The following SCML2 variants were observed in gnomAD, a reference collection of about 807,000 sequenced individuals.
The protein encoded by SCML2 is sex comb on midleg-like protein 2.
Under a neutral mutation model 48.4 loss-of-function variants are expected in SCML2, and 6 were observed. That is an observed-to-expected ratio of 0.12 (90% CI 0.07 to 0.24). The LOEUF (loss-of-function observed/expected upper bound fraction) is 0.24. SCML2 is among the 10% of genes least tolerant of loss of function. The pLI, the probability that SCML2 is intolerant of heterozygous loss-of-function variation, is 1.00. For missense variants in SCML2, 377 were observed against 528.2 expected (o/e 0.71, Z 2.81); for synonymous variants, 181 against 189.5 (o/e 0.95, Z 0.37).
chrX:18,270,586 C>A (rs1256375425), intron 7 of SCML2, among the ~76,000 whole-genome samples: 1 of 110,289 alleles, frequency 9.1e-6, no homozygotes, highest in Non-Finnish European at 1.9e-5. Flanking sequence ...GAATAAAATA[C>A]TTTTTAAGCC....
chrX:18,276,011 T>G (rs1185788559), intron 7 of SCML2, among the ~76,000 whole-genome samples: 2 of 112,062 alleles, frequency 1.8e-5, no homozygotes, highest in African/African-American at 6.5e-5. Context: ...TGAAAAACAG[T>G]TTAGCAGCCG....
chrX:18,271,840 T>C (rs1017810653), intron 7 of SCML2, among the ~76,000 whole-genome samples: 1 of 111,116 alleles, frequency 9.0e-6, no homozygotes, highest in Non-Finnish European at 1.9e-5. Flanking sequence ...ACTTTCACCT[T>C]TTCACTTAAA....
intron 13 of SCML2, among the ~76,000 whole-genome samples, chrX:18,244,185 C>A (rs1290520656): frequency 8.9e-6 from 1 of 111,756 alleles, no homozygotes; most frequent in Admixed American, 9.6e-5. Flanking sequence ...TTCTGCTAGG[C>A]TGTATCAACC....
intron 11 of SCML2, among the ~76,000 whole-genome samples, chrX:18,248,241 G>C (rs763402351): frequency 9.0e-6 from 1 of 111,581 alleles, no homozygotes; most frequent in African/African-American, 3.2e-5. Context: ...TAAAACTTCA[G>C]AGAAATTAAA....
At chrX:18,314,591 C>T (rs190118274) in intron 6 of SCML2, among the ~76,000 whole-genome samples, 37 of 112,016 alleles carry the variant, frequency 3.3e-4, no homozygotes, top group African/African-American at 1.2e-3. Context: ...TCTGTTCCTT[C>T]CATAAATATT....
chrX:18,347,697 C>CT (rs1445577932), intron 1 of SCML2, among the ~76,000 whole-genome samples: 1 of 84,108 alleles, frequency 1.2e-5, no homozygotes, highest in African/African-American at 4.6e-5. Context: ...GCACTCCAGC[C>CT]TGGGTGACAG....
At position 18,327,820 on chromosome X, in the gene SCML2, G is replaced by A. The variant is rs142046903; in HGVS notation, c.91+2767C>T. On this transcript the variant is annotated intron_variant, in intron 3 of 14. Coordinates refer to ENST00000251900, the MANE Select transcript of SCML2 (RefSeq NM_006089.3). ...AAAACTGTTCATCTTGGCTGCCCAC[G>A]TGTTCATAACATAGGGGAAACACAC... Among the ~76,000 whole-genome samples, 149 of 111,501 alleles carry A rather than the reference G, an allele frequency of 1.3e-3. 7 individuals are homozygous for A. The East Asian group carries it at 0.038, about 28-fold the overall frequency.
rs750764782 is a variant in SCML2, at chrX:18,258,244, C to G, written c.1073G>C (p.Cys358Ser). ...GPCKIVMSTV[C>S]VYVNKHGNFG... ...GTTTCCATGTTTGTTTACATAGACACAGACTTGAGAAAAAATGCGTATGCA... is the reference window on the plus strand; with the variant it reads ...GTTTCCATGTTTGTTTACATAGACAGAGACTTGAGAAAAAATGCGTATGCA... Residue 358 changes from cysteine to serine, a missense_variant, in exon 10 of 15, where the codon TGT becomes TCT. Physicochemically the swap from Cys to Ser is moderately radical, Grantham distance 112. Coordinates refer to ENST00000251900, the MANE Select transcript of SCML2 (RefSeq NM_006089.3). The G allele has an allele frequency of 5.0e-6, 6 of 1,204,881 alleles. No homozygotes were observed. Among genetic ancestry groups the G allele is most frequent in the Non-Finnish European group, 6.7e-6 (6 of 890,388 alleles).
intron 3 of SCML2, among the ~76,000 whole-genome samples, chrX:18,326,054 G>A (rs916483156): frequency 1.7e-4 from 19 of 112,252 alleles, no homozygotes; most frequent in African/African-American, 5.5e-4. Flanking sequence ...TTTCCGTGAT[G>A]TAAATATGAC....
At chrX:18,290,035 T>G (rs187220132) in intron 7 of SCML2, among the ~76,000 whole-genome samples, 31 of 111,521 alleles carry the variant, frequency 2.8e-4, no homozygotes, top group African/African-American at 9.4e-4. Context: ...CATCAAACGT[T>G]TAGATTTTTA....
intron 1 of SCML2, 105 bp downstream of exon 1, chrX:18,354,487 G>A (rs1307548560): frequency 2.2e-5 from 5 of 226,904 alleles, no homozygotes; most frequent in Non-Finnish European, 3.2e-5. Context: ...TCCTCGCACG[G>A]GACGCGCGCT....
At chrX:18,322,105 T>G (rs982493440) in intron 5 of SCML2, among the ~76,000 whole-genome samples, 3 of 112,249 alleles carry the variant, frequency 2.7e-5, no homozygotes, top group Non-Finnish European at 5.6e-5. Flanking sequence ...TAATAACCTT[T>G]AAAGTTTAAA....
chrX:18,255,655 G>A (rs914016695), intron 11 of SCML2, among the ~76,000 whole-genome samples: 3 of 112,255 alleles, frequency 2.7e-5, no homozygotes, highest in Non-Finnish European at 5.6e-5. Flanking sequence ...AAAAGGGGAT[G>A]GATATGAGAG....
chrX:18,302,260 TCTTG>T (rs1163238370), intron 7 of SCML2, among the ~76,000 whole-genome samples: 1 of 111,511 alleles, frequency 9.0e-6, no homozygotes, highest in East Asian at 2.8e-4. Context: ...CGAGTTCTCC[TCTTG>T]CTTGACTTTT....
intron 7 of SCML2, among the ~76,000 whole-genome samples, chrX:18,282,262 A>G (rs767576427): frequency 2.7e-5 from 3 of 111,767 alleles, no homozygotes; most frequent in East Asian, 5.6e-4. Flanking sequence ...GAAAATAGAA[A>G]TAAGTACAAT....
At chrX:18,334,823 GCTAT>G (rs1168527074) in intron 1 of SCML2, among the ~76,000 whole-genome samples, 1 of 111,876 alleles carries the variant, frequency 8.9e-6, no homozygotes, top group Admixed American at 9.5e-5. Context: ...ATGGCAAAAG[GCTAT>G]CTATCCCGCC....
At chrX:18,274,112 A>G (rs888340934) in intron 7 of SCML2, among the ~76,000 whole-genome samples, 1 of 112,261 alleles carries the variant, frequency 8.9e-6, no homozygotes, top group Admixed American at 9.4e-5. Context: ...CCCTCCACTG[A>G]GCTGTTAACA....
At chrX:18,354,441 C>G (rs1359647432) in intron 1 of SCML2, among the ~76,000 whole-genome samples, 151 bp downstream of exon 1, 2 of 111,963 alleles carry the variant, frequency 1.8e-5, no homozygotes, top group East Asian at 5.8e-4. Flanking sequence ...CGAAGCCGAA[C>G]TGAGATGGGA....
At chrX:18,291,969 G>A (rs1408385616) in intron 7 of SCML2, among the ~76,000 whole-genome samples, 5 of 111,047 alleles carry the variant, frequency 4.5e-5, no homozygotes, top group Admixed American at 9.6e-5. Context: ...ATGACACAGC[G>A]TTGATATGTG....
Sources: gnomAD v4.1 joint callset for allele counts (sites outside exome capture counted in the v4.1 genomes callset) on GRCh38, gnomAD v4.1.1 for gene constraint, MANE v1.5 for transcripts, NCBI Gene and HGNC (gene_info 2026-07-23, HGNC 2026-07-21) for gene names.